The following CHN2 variants were observed in gnomAD, a reference collection of about 807,000 sequenced individuals.
CHN2 encodes chimerin 2, also known as beta-chimaerin.
A neutral mutation model predicts 56.3 loss-of-function variants in CHN2; 35 were observed. That is an observed-to-expected ratio of 0.62 (90% confidence interval 0.47 to 0.82). The LOEUF (loss-of-function observed/expected upper bound fraction) is 0.82, where lower values mean the gene tolerates loss of function less well. Among genes scored for constraint, CHN2 ranks in the 40% least tolerant of loss-of-function variants. CHN2 has a pLI of 0.00. For missense variants in CHN2, 491 were observed against 580.5 expected (o/e 0.85, Z 1.58); for synonymous variants, 210 against 212.8 (o/e 0.99, Z 0.12).
intron 1 of CHN2, among the ~76,000 whole-genome samples, chr7:29,290,806 G>C (rs1792541815): frequency 6.6e-6 from 1 of 152,046 alleles, no homozygotes; most frequent in South Asian, 2.1e-4. Flanking sequence ...CAACCAAGGG[G>C]CATAAGGCAC....
intron 1 of CHN2, among the ~76,000 whole-genome samples, chr7:29,325,644 T>G (rs1018210119): frequency 2.6e-5 from 4 of 152,210 alleles, no homozygotes; most frequent in African/African-American, 9.6e-5. Context: ...AGTGAGGTGC[T>G]AATATCTTTG....
chr7:29,253,857 A>G (rs1203982243), intron 1 of CHN2, among the ~76,000 whole-genome samples: 2 of 152,332 alleles, frequency 1.3e-5, no homozygotes, highest in East Asian at 3.9e-4. Flanking sequence ...AAATATTTAA[A>G]GTGTCAATTA....
chr7:29,413,732 C>T (rs1038825399), intron 6 of CHN2, among the ~76,000 whole-genome samples: 15 of 152,194 alleles, frequency 9.9e-5, no homozygotes, highest in African/African-American at 2.7e-4. Context: ...TAGAAGGTGG[C>T]TCGTCTGACT....
At chr7:29,349,919 C>T (rs1797749216) in intron 1 of CHN2, among the ~76,000 whole-genome samples, 1 of 152,204 alleles carries the variant, frequency 6.6e-6, no homozygotes, top group Non-Finnish European at 1.5e-5. Flanking sequence ...CATCTTGTCA[C>T]TATTTCCAGT....
Position 29,194,867 on chromosome 7 carries a change from A to G in CHN2, c.-75A>G. 7.6e-7 allele frequency: 1 copy of G among 1,309,184 alleles called. No homozygotes were observed. Among genetic ancestry groups the G allele is most frequent in the Non-Finnish European group, 9.8e-7 (1 of 1,020,220 alleles). 81.1% of individuals were successfully genotyped at this position (1,309,184 alleles called of 1,614,324 possible). On this transcript the variant is annotated 5_prime_UTR_variant, in exon 1 of 13. Coordinates refer to ENST00000222792, the MANE Select transcript of CHN2 (RefSeq NM_004067.4). ...TGGGCTGGGGGCCGCGGAGGCTGCG[A>G]GCGGCCGGGCGAGGGCAGCGGCGGC...
chr7:29,210,744 A>G (rs919889497), intron 1 of CHN2, among the ~76,000 whole-genome samples: 1 of 152,090 alleles, frequency 6.6e-6, no homozygotes, highest in African/African-American at 2.4e-5. Context: ...TGTTAAGTTT[A>G]GTGGTCAGAG....
chr7:29,194,461 G>A, upstream of CHN2: 1 of 155,546 alleles, frequency 6.4e-6, no homozygotes, highest in Non-Finnish European at 1.4e-5. Flanking sequence ...GGAGAAGGGG[G>A]AGGTCGCTCT....
intron 11 of CHN2, among the ~76,000 whole-genome samples, chr7:29,507,720 C>T (rs1451079475): frequency 1.3e-5 from 2 of 150,874 alleles, no homozygotes; most frequent in Admixed American, 6.6e-5. Context: ...CTTTTGTCTT[C>T]CCTGGACCAC....
At chr7:29,497,291 T>A (rs1475535190) in intron 8 of CHN2, among the ~76,000 whole-genome samples, 2 of 152,212 alleles carry the variant, frequency 1.3e-5, no homozygotes, top group African/African-American at 4.8e-5. Context: ...TCTGAATTAC[T>A]CAGTGGTCAT....
At chr7:29,247,823 C>T (rs1788190355) in intron 1 of CHN2, among the ~76,000 whole-genome samples, 2 of 152,230 alleles carry the variant, frequency 1.3e-5, no homozygotes. Context: ...CAAAGCAAAA[C>T]AACAATCATG....
intron 1 of CHN2, among the ~76,000 whole-genome samples, chr7:29,240,659 G>A (rs1329105298): frequency 6.6e-6 from 1 of 151,842 alleles, no homozygotes; most frequent in East Asian, 1.9e-4. Flanking sequence ...ACAAATCATA[G>A]CATCATGAAA....
At chr7:29,396,039 A>C (rs1300533707) in intron 4 of CHN2, among the ~76,000 whole-genome samples, 1 of 152,318 alleles carries the variant, frequency 6.6e-6, no homozygotes, top group East Asian at 1.9e-4. Flanking sequence ...TTATGTATCA[A>C]AATATCACAT....
At chr7:29,157,645 G>A (rs1036521486) in intron 2 of CHN2, among the ~76,000 whole-genome samples, 12 of 152,140 alleles carry the variant, frequency 7.9e-5, no homozygotes, top group Non-Finnish European at 1.2e-4. Flanking sequence ...ATTTCTCTCC[G>A]CTCCATAATG....
At chr7:29,163,225 T>TA (rs1477265888) in intron 2 of CHN2, among the ~76,000 whole-genome samples, 1 of 152,194 alleles carries the variant, frequency 6.6e-6, no homozygotes, top group Admixed American at 6.5e-5. Context: ...TAAATGTTAT[T>TA]AAATCTAAGA....
At chr7:29,466,228 G>GAGGA (rs70980538) in intron 6 of CHN2, among the ~76,000 whole-genome samples, 12,926 of 150,800 alleles carry the variant, frequency 0.086, 1,291 homozygotes, top group African/African-American at 0.25. Flanking sequence ...GAGAGGAAGA[G>GAGGA]AGGAAGGAAG....
intron 9 of CHN2, among the ~76,000 whole-genome samples, chr7:29,500,986 C>T (rs543747441): frequency 6.3e-4 from 96 of 152,218 alleles, no homozygotes; most frequent in African/African-American, 2.2e-3. Flanking sequence ...GTGATTTGGC[C>T]ATGTATAGAG....
intron 1 of CHN2, among the ~76,000 whole-genome samples, chr7:29,273,192 A>C (rs972935235): frequency 3.3e-5 from 5 of 151,624 alleles, no homozygotes; most frequent in African/African-American, 1.2e-4. Context: ...TAAATTCCAC[A>C]TATAAGTGAG....
chr7:29,248,716 G>C (rs1788264057), intron 1 of CHN2, among the ~76,000 whole-genome samples: 1 of 152,150 alleles, frequency 6.6e-6, no homozygotes, highest in Non-Finnish European at 1.5e-5. Context: ...CTTCAAACCT[G>C]AACCCTCAGC....
At chr7:29,211,301 A>C (rs1320868680) in intron 1 of CHN2, among the ~76,000 whole-genome samples, 1 of 150,818 alleles carries the variant, frequency 6.6e-6, no homozygotes, top group African/African-American at 2.4e-5. Flanking sequence ...GATGGTCTCG[A>C]TCTCCTGACC....
Sources: gnomAD v4.1 joint callset for allele counts (sites outside exome capture counted in the v4.1 genomes callset) on GRCh38, gnomAD v4.1.1 for gene constraint, MANE v1.5 for transcripts, NCBI Gene and HGNC (gene_info 2026-07-23, HGNC 2026-07-21) for gene names.